TMEM132D: variants seen among roughly 807,000 people sequenced by gnomAD.
TMEM132D encodes mature OL transmembrane protein.
TMEM132D carries 21 observed loss-of-function variants against 62.3 expected under a neutral mutation model. The ratio of observed to expected loss-of-function variants is 0.34; its 90% CI spans 0.24 to 0.49. TMEM132D has a LOEUF of 0.49. TMEM132D is among the 20% of genes least tolerant of loss of function. The pLI, the probability that TMEM132D is intolerant of heterozygous loss-of-function variation, is 0.99. For synonymous variants in TMEM132D, 621 were observed against 575.6 expected (o/e 1.08, Z -1.13); for missense variants, 1,346 against 1,402.8 (o/e 0.96, Z 0.65).
At chr12:129,612,910 A>G (rs61943551) in intron 2 of TMEM132D, among the ~76,000 whole-genome samples, 9,286 of 152,238 alleles carry the variant, frequency 0.061, 366 homozygotes, top group South Asian at 0.11. Context: ...TTGTTGCCCA[A>G]AGGTTTTGTC....
At chr12:129,448,397 C>T (rs1434536918) in intron 3 of TMEM132D, among the ~76,000 whole-genome samples, 2 of 152,120 alleles carry the variant, frequency 1.3e-5, no homozygotes, top group Admixed American at 6.6e-5. Flanking sequence ...CCAGTAGGCC[C>T]CAGTGGGTGC....
rs535369264 is a variant in TMEM132D, at chr12:129,889,895, T to C, written c.79+13366A>G. ...ATAACCAAATCAGCCATTTATTGAG[T>C]ATGCATCTGTCAATATCATGAACGG... On this transcript the variant is annotated intron_variant, in intron 1 of 8. Transcript: ENST00000422113. Among the ~76,000 whole-genome samples the C allele has an allele frequency of 4.9e-4, 75 of 152,262 alleles. 2 individuals carry two copies. Among genetic ancestry groups the C allele is most frequent in the African/African-American group, 1.8e-3 (74 of 41,564 alleles).
chr12:129,222,493 A>T (rs1447403061), intron 4 of TMEM132D, among the ~76,000 whole-genome samples: 1 of 152,148 alleles, frequency 6.6e-6, no homozygotes, highest in Admixed American at 6.6e-5. Flanking sequence ...TTTTTGATAT[A>T]GCAGTTTTAG....
chr12:129,524,920 CTTTTTTCTTT>C (rs1361824077), intron 3 of TMEM132D, among the ~76,000 whole-genome samples: 2 of 92,170 alleles, frequency 2.2e-5, no homozygotes, highest in Non-Finnish European at 3.9e-5. Flanking sequence ...ATATTTTTTT[CTTTTTTCTTT>C]TTTTTTTTTT....
intron 3 of TMEM132D, among the ~76,000 whole-genome samples, chr12:129,369,393 T>G (rs1870526643): frequency 6.6e-6 from 1 of 151,904 alleles, no homozygotes; most frequent in Admixed American, 6.6e-5. Flanking sequence ...TTAATTCAGA[T>G]ATCAGTCCTG....
chr12:129,585,646 A>C (rs1878004533), intron 2 of TMEM132D, among the ~76,000 whole-genome samples: 1 of 152,158 alleles, frequency 6.6e-6, no homozygotes, highest in Admixed American at 6.5e-5. Flanking sequence ...AATTTCATTA[A>C]TTTTTATCAC....
chr12:129,170,985 T>C (rs538384832), intron 5 of TMEM132D, among the ~76,000 whole-genome samples: 4 of 152,204 alleles, frequency 2.6e-5, no homozygotes, highest in African/African-American at 9.6e-5. Context: ...AACAATGAGG[T>C]TTGCTGCATT....
At chr12:129,530,961 C>A in intron 3 of TMEM132D, 98 bp downstream of exon 3, 2 of 1,305,002 alleles carry the variant, frequency 1.5e-6, no homozygotes, top group Non-Finnish European at 2.1e-6. Context: ...AAATGCAAAC[C>A]ACAGTGGAAA....
intron 4 of TMEM132D, among the ~76,000 whole-genome samples, chr12:129,292,595 C>T: frequency 6.6e-6 from 1 of 152,206 alleles, no homozygotes; most frequent in East Asian, 1.9e-4. Context: ...ACCTCTGGTT[C>T]CTCCTATCCT....
chr12:129,443,350 G>A (rs1466563165), intron 3 of TMEM132D, among the ~76,000 whole-genome samples: 1 of 152,186 alleles, frequency 6.6e-6, no homozygotes, highest in Non-Finnish European at 1.5e-5. Flanking sequence ...TCTGGGCATC[G>A]CAAGTCTCTA....
chr12:129,258,653 G>A (rs981633681), intron 4 of TMEM132D, among the ~76,000 whole-genome samples: 14 of 152,148 alleles, frequency 9.2e-5, no homozygotes, highest in Admixed American at 7.2e-4. Context: ...TAATATGTGT[G>A]GCTGGCTTTG....
intron 4 of TMEM132D, among the ~76,000 whole-genome samples, chr12:129,313,207 G>C (rs1359544433): frequency 6.6e-6 from 1 of 152,032 alleles, no homozygotes; most frequent in Non-Finnish European, 1.5e-5. Flanking sequence ...GGGTACATGG[G>C]GTATTTGGTT....
intron 5 of TMEM132D, among the ~76,000 whole-genome samples, chr12:129,175,552 A>T (rs528219599): frequency 6.6e-6 from 1 of 152,212 alleles, no homozygotes; most frequent in African/African-American, 2.4e-5. Context: ...AAAACACACA[A>T]ACAAAAATAA....
intron 3 of TMEM132D, among the ~76,000 whole-genome samples, chr12:129,367,777 C>CTTTTT (rs60004106): frequency 8.2e-6 from 1 of 122,296 alleles, no homozygotes; most frequent in African/African-American, 3.1e-5. Context: ...CATTTCTTTT[C>CTTTTT]TTTTTTTTTT....
intron 2 of TMEM132D, chr12:129,682,882 A>AAAG (rs1325009354): frequency 6.7e-6 from 1 of 149,158 alleles, no homozygotes; most frequent in Non-Finnish European, 1.5e-5. Flanking sequence ...AAAAAAAAAA[A>AAAG]GAGACTTACA....
At chr12:129,454,042 G>C (rs1180699019) in intron 3 of TMEM132D, among the ~76,000 whole-genome samples, 1 of 152,154 alleles carries the variant, frequency 6.6e-6, no homozygotes, top group African/African-American at 2.4e-5. Flanking sequence ...TTCATGTTAT[G>C]GCACCACTTG....
chr12:129,115,995 G>T (rs1875881320), intron 5 of TMEM132D, among the ~76,000 whole-genome samples: 1 of 152,218 alleles, frequency 6.6e-6, no homozygotes, highest in Non-Finnish European at 1.5e-5. Flanking sequence ...TTTTGTGTTT[G>T]GCTGAATTCA....
At chr12:129,425,032 T>C (rs1872453523) in intron 3 of TMEM132D, among the ~76,000 whole-genome samples, 1 of 152,190 alleles carries the variant, frequency 6.6e-6, no homozygotes, top group Non-Finnish European at 1.5e-5. Flanking sequence ...CGGTCTCTGG[T>C]GTCTGCTTCT....
intron 1 of TMEM132D, among the ~76,000 whole-genome samples, chr12:129,822,092 G>A (rs997322945): frequency 4.6e-5 from 7 of 152,234 alleles, no homozygotes; most frequent in South Asian, 4.1e-4. Context: ...TGAGACACAC[G>A]CTGGAGGATC....
Sources: allele counts gnomAD v4.1 joint callset (sites outside exome capture counted in the v4.1 genomes callset), GRCh38; gene constraint gnomAD v4.1.1; transcripts MANE v1.5; gene names NCBI Gene and HGNC (gene_info 2026-07-23, HGNC 2026-07-21).